PLCG2: variants seen among roughly 807,000 people sequenced by gnomAD.
PLCG2 encodes the protein phospholipase C gamma 2, also known as 1-phosphatidylinositol 4,5-bisphosphate phosphodiesterase gamma-2.
In PLCG2, 69 loss-of-function variants were observed where a neutral mutation model predicts 175.6. That is an observed-to-expected ratio of 0.39 (90% CI 0.32 to 0.48). The LOEUF is 0.48. Ranked by LOEUF, PLCG2 falls within the 20% of genes least tolerant of loss-of-function variation. The pLI is 0.91. For synonymous variants in PLCG2, 827 were observed against 624.0 expected (o/e 1.33, Z -4.85); for missense variants, 1,798 against 1,650.9 (o/e 1.09, Z -1.54).
rs60496070 is a variant in PLCG2 at position 81,899,086 on chromosome 16, G to A, written c.1194-1526G>A. On this transcript the variant is annotated intron_variant, in intron 13 of 32. Coordinates refer to ENST00000564138, the MANE Select transcript of PLCG2 (RefSeq NM_002661.5). Reference sequence around the variant, plus strand: ...TACCTGTAATCTCAGCTACTCAGGAGGCTGAGGCAGGAGAATTGCTTGAAC... The same window carrying A: ...TACCTGTAATCTCAGCTACTCAGGAAGCTGAGGCAGGAGAATTGCTTGAAC... Among the ~76,000 whole-genome samples the A allele has an allele frequency of 1.2e-4, 18 of 152,254 alleles. No homozygotes were observed. The East Asian group carries it at 3.3e-3, about 28-fold the overall frequency.
intron 19 of PLCG2, among the ~76,000 whole-genome samples, chr16:81,913,783 C>T (rs373559856): frequency 6.6e-6 from 1 of 152,192 alleles, no homozygotes; most frequent in Non-Finnish European, 1.5e-5. Flanking sequence ...TTCCCTCTGC[C>T]CTGATCCCAT....
rs569658864 is a variant in PLCG2, at chr16:81,815,818, T to C, written c.193+29636T>C. Among the ~76,000 whole-genome samples the C allele has an allele frequency of 3.9e-5, 6 of 152,278 alleles. No individual in the cohort carries two copies. The South Asian group carries it at 1.2e-3, about 32-fold the overall frequency. On this transcript the variant is annotated intron_variant, in intron 2 of 32. Coordinates refer to ENST00000564138, the MANE Select transcript of PLCG2 (RefSeq NM_002661.5). ...GCTCACGCCTGTAATCCCAGCACTT[T>C]GGGAGGCCAAGGTGGGCGGATCACT... is the stretch of plus-strand genomic sequence containing the variant.
At chr16:81,753,639 C>A (rs1909859675) in intron 1 of PLCG2, among the ~76,000 whole-genome samples, 1 of 152,078 alleles carries the variant, frequency 6.6e-6, no homozygotes, top group African/African-American at 2.4e-5. Flanking sequence ...GCTGACCTGG[C>A]CTCAAGTGAT....
intron 2 of PLCG2, among the ~76,000 whole-genome samples, chr16:81,846,980 A>G (rs551864669): frequency 6.6e-6 from 1 of 152,252 alleles, no homozygotes; most frequent in Non-Finnish European, 1.5e-5. Flanking sequence ...GATACTATCT[A>G]CTTGGAGCTA....
intron 18 of PLCG2, among the ~76,000 whole-genome samples, chr16:81,912,046 C>G (rs1272312340): frequency 6.6e-6 from 1 of 152,146 alleles, no homozygotes; most frequent in East Asian, 1.9e-4. Flanking sequence ...ATCCACCCGC[C>G]TCAACCTCCC....
chr16:81,805,783 G>GTTTTTTTTTTTTTTT (rs35014411), intron 2 of PLCG2, among the ~76,000 whole-genome samples: 55 of 82,920 alleles, frequency 6.6e-4, no homozygotes, highest in African/African-American at 1.7e-3. Context: ...TTTTTTTTTT[G>GTTTTTTTTTTTTTTT]TTTTTTTTTT....
intron 7 of PLCG2, 112 bp from the exon 8 acceptor site, chr16:81,880,798 T>G: frequency 5.2e-5 from 47 of 897,756 alleles, no homozygotes; most frequent in Middle Eastern, 2.2e-4. Context: ...ATATTTTTAA[T>G]GATCTTGTTG....
intron 14 of PLCG2, among the ~76,000 whole-genome samples, chr16:81,904,220 G>A (rs1004253468): frequency 1.3e-5 from 2 of 152,104 alleles, no homozygotes; most frequent in African/African-American, 2.4e-5. Flanking sequence ...TATCTTTCAC[G>A]TTCTTTGACT....
intron 14 of PLCG2, among the ~76,000 whole-genome samples, chr16:81,901,159 C>A (rs1416971601): frequency 6.6e-6 from 1 of 152,172 alleles, no homozygotes; most frequent in Non-Finnish European, 1.5e-5. Context: ...GGAGACAGCC[C>A]CATGCGAGGT....
intron 11 of PLCG2, among the ~76,000 whole-genome samples, chr16:81,892,443 G>A (rs1908680815): frequency 6.6e-6 from 1 of 152,110 alleles, no homozygotes. Flanking sequence ...AGCTGTGGGT[G>A]GGGACTTTCC....
upstream of PLCG2, among the ~76,000 whole-genome samples, chr16:81,775,546 C>G (rs372433243): frequency 6.6e-6 from 1 of 152,124 alleles, no homozygotes; most frequent in Non-Finnish European, 1.5e-5. Context: ...CAGTCCCCCT[C>G]AGATGTAGGT....
chr16:81,921,703 C>T (rs553443762), intron 21 of PLCG2: 6 of 254,446 alleles, frequency 2.4e-5, no homozygotes, highest in East Asian at 1.1e-4. Flanking sequence ...TTTCAGCCCT[C>T]GGCTCCTCCT....
At chr16:81,883,122 C>T in intron 8 of PLCG2, 147 bp from the exon 9 acceptor site, 2 of 670,196 alleles carry the variant, frequency 3.0e-6, no homozygotes, top group South Asian at 1.7e-5. Context: ...TCACCTGTGT[C>T]TTCCTGTTGG....
At chr16:81,847,290 C>T (rs763588453) in intron 2 of PLCG2, among the ~76,000 whole-genome samples, 1 of 152,182 alleles carries the variant, frequency 6.6e-6, no homozygotes, top group East Asian at 1.9e-4. Context: ...CAGAAACTTC[C>T]ATGTGTTTAG....
At chr16:81,884,623 A>C (rs1401732142) in intron 9 of PLCG2, among the ~76,000 whole-genome samples, 1 of 151,434 alleles carries the variant, frequency 6.6e-6, no homozygotes, top group Non-Finnish European at 1.5e-5. Flanking sequence ...GTGTGTGTAC[A>C]TGTATGCATG....
intron 11 of PLCG2, among the ~76,000 whole-genome samples, chr16:81,891,849 A>G (rs982460832): frequency 1.3e-5 from 2 of 152,216 alleles, no homozygotes; most frequent in African/African-American, 4.8e-5. Flanking sequence ...TAGTTTATGT[A>G]ACTTAGTAAC....
At chr16:81,839,326 C>G (rs1453683712) in intron 2 of PLCG2, among the ~76,000 whole-genome samples, 1 of 151,990 alleles carries the variant, frequency 6.6e-6, no homozygotes, top group Non-Finnish European at 1.5e-5. Context: ...CCAAACCACC[C>G]CCCAAAACTG....
In PLCG2 at chr16:81,895,799, C is replaced by G. The variant is rs372603106; in HGVS notation, c.1073-8C>G. ...GTGGTATTGAGGCTGCCGCGTTTCTCCCTGTAGTGGACTGCTGGGACGGGC... is the reference window on the plus strand; with the variant it reads ...GTGGTATTGAGGCTGCCGCGTTTCTGCCTGTAGTGGACTGCTGGGACGGGC... On this transcript the variant is annotated splice_polypyrimidine_tract_variant and splice_region_variant and intron_variant, in intron 12 of 32. Coordinates refer to ENST00000564138, the MANE Select transcript of PLCG2 (RefSeq NM_002661.5). The G allele has an allele frequency of 2.8e-5, 45 of 1,614,040 alleles. No homozygotes were observed. The East Asian group carries it at 8.5e-4, about 30-fold the overall frequency.
intron 2 of PLCG2, among the ~76,000 whole-genome samples, chr16:81,835,995 C>A (rs914347397): frequency 1.3e-5 from 2 of 152,174 alleles, no homozygotes; most frequent in African/African-American, 4.8e-5. Flanking sequence ...TCTGCAAAGA[C>A]CCTATTTCCA....
Sources: allele counts gnomAD v4.1 joint callset (sites outside exome capture counted in the v4.1 genomes callset), GRCh38; gene constraint gnomAD v4.1.1; transcripts MANE v1.5; gene names NCBI Gene and HGNC (gene_info 2026-07-23, HGNC 2026-07-21).